Variants in NEK11 observed in about 807,000 individuals in gnomAD.
NEK11 encodes serine/threonine-protein kinase Nek11.
In NEK11, 72 loss-of-function variants were observed where a neutral mutation model predicts 80.7. The ratio of observed to expected loss-of-function variants is 0.89; its 90% confidence interval spans 0.74 to 1.08. The LOEUF (loss-of-function observed/expected upper bound fraction) is 1.08. NEK11 is among the 50% of genes least tolerant of loss of function. NEK11 has a pLI of 0.00. For synonymous variants in NEK11, 251 were observed against 260.7 expected (o/e 0.96, Z 0.36); for missense variants, 764 against 763.6 (o/e 1.00, Z -0.01).
chr3:131,179,787 G>GCATATTTTAAGATC (rs1202921413), intron 14 of NEK11, among the ~76,000 whole-genome samples: 23 of 152,192 alleles, frequency 1.5e-4, no homozygotes, highest in African/African-American at 5.5e-4. Flanking sequence ...TCTTAAAATA[G>GCATATTTTAAGATC]ACGGCATATC....
At chr3:131,032,756 A>G (rs965869654) in intron 3 of NEK11, among the ~76,000 whole-genome samples, 5 of 152,238 alleles carry the variant, frequency 3.3e-5, no homozygotes, top group Non-Finnish European at 7.3e-5. Context: ...TGTAATAAGA[A>G]TACGATATCT....
chr3:131,348,661 G>A (rs942197632), intron 17 of NEK11, among the ~76,000 whole-genome samples: 4 of 150,406 alleles, frequency 2.7e-5, no homozygotes, highest in Admixed American at 6.7e-5. Flanking sequence ...AATAGTCAAC[G>A]GTGAAATAAA....
At chr3:131,292,761 G>A (rs1157075603) in intron 17 of NEK11, among the ~76,000 whole-genome samples, 1 of 151,954 alleles carries the variant, frequency 6.6e-6, no homozygotes, top group African/African-American at 2.4e-5. Context: ...GTTCTTCTTT[G>A]ATTTATTTCA....
intron 14 of NEK11, among the ~76,000 whole-genome samples, chr3:131,223,234 CTTACGTTTTT>C (rs2095082504): frequency 6.6e-6 from 1 of 152,116 alleles, no homozygotes; most frequent in Admixed American, 6.5e-5. Context: ...TTTGAACGGA[CTTACGTTTTT>C]TTTGACTTTT....
At chr3:131,276,057 G>A (rs1228337105) in intron 17 of NEK11, among the ~76,000 whole-genome samples, 1 of 152,184 alleles carries the variant, frequency 6.6e-6, no homozygotes, top group East Asian at 1.9e-4. Context: ...CCTTCACAGA[G>A]GGATGTAATT....
chr3:131,083,748 T>A (rs1215599164), intron 4 of NEK11, among the ~76,000 whole-genome samples: 1 of 152,196 alleles, frequency 6.6e-6, no homozygotes, highest in African/African-American at 2.4e-5. Context: ...CCTAACCCTT[T>A]GGACACATAC....
intron 17 of NEK11, among the ~76,000 whole-genome samples, chr3:131,277,606 T>C (rs769848138): frequency 6.6e-6 from 1 of 152,260 alleles, no homozygotes. Flanking sequence ...CTGGTGATCA[T>C]GCTGCCATCC....
At chr3:131,203,763 GTGTGTATATATATA>G (rs2094342157) in intron 14 of NEK11, among the ~76,000 whole-genome samples, 3 of 35,518 alleles carry the variant, frequency 8.4e-5, no homozygotes, top group African/African-American at 3.4e-4. Context: ...GTGTGTGTGT[GTGTGTATATATATA>G]TATATATATA....
chr3:131,215,291 A>G (rs58085421), intron 14 of NEK11, among the ~76,000 whole-genome samples: 1,538 of 93,272 alleles, frequency 0.016, 13 homozygotes, highest in African/African-American at 0.037. Flanking sequence ...GGGGAGGGGG[A>G]AGGGATAGCA....
At chr3:131,206,769 A>G (rs1365256516) in intron 14 of NEK11, among the ~76,000 whole-genome samples, 2 of 152,110 alleles carry the variant, frequency 1.3e-5, no homozygotes, top group African/African-American at 4.8e-5. Context: ...TGCTGCACCC[A>G]TTAAGCTGCA....
chr3:131,330,561 G>A (rs2097059287), intron 17 of NEK11: 1 of 152,162 alleles, frequency 6.6e-6, no homozygotes, highest in South Asian at 2.1e-4. Flanking sequence ...GAAAATATTG[G>A]AGGACCTTGT....
chr3:131,343,061 A>G (rs1044315108), intron 17 of NEK11, among the ~76,000 whole-genome samples: 1 of 151,906 alleles, frequency 6.6e-6, no homozygotes, highest in African/African-American at 2.4e-5. Flanking sequence ...TGTGCAGTAA[A>G]AAAGCAACAA....
intron 17 of NEK11, among the ~76,000 whole-genome samples, chr3:131,345,665 G>A (rs959557929): frequency 7.9e-5 from 12 of 152,050 alleles, no homozygotes; most frequent in African/African-American, 2.9e-4. Context: ...CAATGACCCA[G>A]CAATCCCTCT....
At chr3:131,154,217 G>A (rs2090221886) in intron 9 of NEK11, among the ~76,000 whole-genome samples, 1 of 152,054 alleles carries the variant, frequency 6.6e-6, no homozygotes, top group Non-Finnish European at 1.5e-5. Context: ...GTGGTCCTCT[G>A]GAAAGAGCCT....
chr3:131,215,295 G>A, intron 14 of NEK11, among the ~76,000 whole-genome samples: 1 of 139,514 alleles, frequency 7.2e-6, no homozygotes, highest in Admixed American at 7.1e-5. Context: ...AGGGGGAAGG[G>A]ATAGCATTAG....
chr3:131,268,714 G>A (rs2096115148), intron 16 of NEK11, among the ~76,000 whole-genome samples: 1 of 152,228 alleles, frequency 6.6e-6, no homozygotes, highest in Admixed American at 6.5e-5. Context: ...ACCCCTGCTG[G>A]GAGGTGTCTC....
intron 3 of NEK11, among the ~76,000 whole-genome samples, chr3:131,045,392 A>G (rs1022227614): frequency 1.5e-4 from 23 of 152,180 alleles, no homozygotes; most frequent in African/African-American, 5.5e-4. Context: ...TTCCATCTTG[A>G]TTTTATTGTT....
chr3:131,152,255 A>G (rs1427029889), intron 7 of NEK11, 133 bp from the exon 8 acceptor site: 2 of 646,166 alleles, frequency 3.1e-6, no homozygotes, highest in African/African-American at 3.7e-5. Context: ...ATGAAACTGC[A>G]GTTTTAAGTC....
At chr3:131,138,036 A>C (rs898701374) in intron 7 of NEK11, among the ~76,000 whole-genome samples, 5 of 152,192 alleles carry the variant, frequency 3.3e-5, no homozygotes, top group African/African-American at 1.2e-4. Flanking sequence ...ACACAAAGGA[A>C]CCACCTTCAT....
Sources: allele counts gnomAD v4.1 joint callset (sites outside exome capture counted in the v4.1 genomes callset), GRCh38; gene constraint gnomAD v4.1.1; transcripts MANE v1.5; gene names NCBI Gene and HGNC (gene_info 2026-07-23, HGNC 2026-07-21).